CARNMT1: variants seen among roughly 807,000 people sequenced by gnomAD.
CARNMT1 encodes carnosine N-methyltransferase 1.
CARNMT1 carries 28 observed loss-of-function variants against 49.6 expected under a neutral mutation model. That is an observed-to-expected ratio of 0.56 (90% CI 0.42 to 0.77). CARNMT1 has a LOEUF of 0.77. Ranked by LOEUF, CARNMT1 falls within the 30% of genes least tolerant of loss-of-function variation. The probability of loss-of-function intolerance (pLI) is 0.00; values close to 1 mark genes in which losing one functional copy is unlikely to be tolerated. For missense variants in CARNMT1, 421 were observed against 512.6 expected, an observed-to-expected ratio of 0.82 and a Z score of 1.73; for synonymous variants, 178 against 175.0, an observed-to-expected ratio of 1.02 and a Z score of -0.13.
intron 5 of CARNMT1, among the ~76,000 whole-genome samples, chr9:74,998,277 CCTCA>C (rs1833253286): frequency 6.6e-6 from 1 of 152,166 alleles, no homozygotes; most frequent in South Asian, 2.1e-4. Context: ...CAAGTCATAG[CCTCA>C]CTATGAACAG....
At chr9:75,019,359 T>C (rs1833936630) in intron 1 of CARNMT1, among the ~76,000 whole-genome samples, 1 of 152,224 alleles carries the variant, frequency 6.6e-6, no homozygotes, top group Admixed American at 6.5e-5. Context: ...CATTTTGAAA[T>C]GGCTGCCACA....
chr9:74,991,960 T>G (rs147603600), intron 6 of CARNMT1, among the ~76,000 whole-genome samples: 1 of 152,242 alleles, frequency 6.6e-6, no homozygotes, highest in East Asian at 1.9e-4. Flanking sequence ...CATCTATCTT[T>G]TAAAGGGAAT....
At chr9:75,013,782 T>C (rs1833766738) in intron 3 of CARNMT1, among the ~76,000 whole-genome samples, 1 of 151,754 alleles carries the variant, frequency 6.6e-6, no homozygotes, top group Non-Finnish European at 1.5e-5. Context: ...GGCAGGAGGA[T>C]CACTTGAGGC....
At chr9:75,020,611 A>G (rs1410681977) in intron 1 of CARNMT1, among the ~76,000 whole-genome samples, 1 of 152,024 alleles carries the variant, frequency 6.6e-6, no homozygotes, top group Non-Finnish European at 1.5e-5. Context: ...TATCTTTGTC[A>G]TTTGGTTTCT....
rs556508741 is a variant in CARNMT1 at position 75,016,862 on chromosome 9, A to G, written c.426+391T>C. 34 of 274,244 alleles carry G rather than the reference A, an allele frequency of 1.2e-4. 1 individual carries two copies. In the South Asian group the frequency reaches 3.8e-3, roughly 31 times the overall value. 17.0% of individuals were successfully genotyped at this position (274,244 alleles called of 1,614,324 possible). A position where few individuals can be genotyped will look rare whatever the true frequency, so the allele number is the denominator to read the frequency against. On this transcript the variant is annotated intron_variant, in intron 2 of 7. Transcript: ENST00000376834. ...ATGTACTGCCAGTCCCTTGAGATTT[A>G]TAAGTGAAAACAATTTCTTACAATA... is the stretch of plus-strand genomic sequence containing the variant.
chr9:74,996,318 T>C (rs1833187512), intron 6 of CARNMT1, 129 bp downstream of exon 6: 2 of 585,962 alleles, frequency 3.4e-6, no homozygotes, highest in South Asian at 2.2e-5. Context: ...AAGGAAACTG[T>C]AGTGGTTTTA....
intron 2 of CARNMT1, 47 bp downstream of exon 2, chr9:75,017,206 A>G: frequency 7.0e-7 from 1 of 1,421,780 alleles, no homozygotes. Flanking sequence ...CTCAAAATAC[A>G]GAGGTTGACC....
Position 75,003,423 on chromosome 9 carries a change from C to T in CARNMT1, c.591-3553G>A, listed in dbSNP as rs777041566. On this transcript the variant is annotated intron_variant, in intron 3 of 7. Coordinates refer to ENST00000376834, the MANE Select transcript of CARNMT1 (RefSeq NM_152420.3). ...CATTGTAAATGAAGTTTTACTAAAA[C>T]GCAGCCATACTCACTCATCTAAGAA... Among the ~76,000 whole-genome samples, 4 of 152,246 alleles carry T rather than the reference C, an allele frequency of 2.6e-5. 1 individual carries two copies. The highest frequency in any genetic ancestry group is 4.1e-4 in the South Asian group (2 of 4,836).
intron 6 of CARNMT1, among the ~76,000 whole-genome samples, chr9:74,992,340 G>A (rs925245482): frequency 6.6e-6 from 1 of 151,638 alleles, no homozygotes; most frequent in Non-Finnish European, 1.5e-5. Context: ...CTATCTTTCA[G>A]TACACTTTAC....
intron 6 of CARNMT1, among the ~76,000 whole-genome samples, chr9:74,992,025 A>C (rs1833037323): frequency 6.6e-6 from 1 of 152,170 alleles, no homozygotes; most frequent in Non-Finnish European, 1.5e-5. Flanking sequence ...TAATCCCAGC[A>C]CTTTGGGAGG....
At chr9:75,021,260 G>A (rs1361473723) in intron 1 of CARNMT1, among the ~76,000 whole-genome samples, 1 of 141,508 alleles carries the variant, frequency 7.1e-6, no homozygotes, top group Non-Finnish European at 1.5e-5. Context: ...TATATACATA[G>A]TATATATGTA....
chr9:75,012,507 G>C (rs191496824), intron 3 of CARNMT1, among the ~76,000 whole-genome samples: 1 of 151,928 alleles, frequency 6.6e-6, no homozygotes, highest in African/African-American at 2.4e-5. Flanking sequence ...GGCTGATCTC[G>C]AACTCTTGAC....
At chr9:75,014,975 G>A (rs1833803610) in intron 3 of CARNMT1, among the ~76,000 whole-genome samples, 2 of 152,182 alleles carry the variant, frequency 1.3e-5, no homozygotes, top group Non-Finnish European at 2.9e-5. Flanking sequence ...CGGAGGCAAA[G>A]GAGAGGAGGA....
rs1269954487 is a variant in CARNMT1 at position 74,981,589 on chromosome 9, G to C, written c.*2178C>G. 6.6e-6 allele frequency: 1 copy of C among 151,556 alleles called. No individual in the cohort carries two copies. The highest frequency in any genetic ancestry group is 6.6e-5 in the Admixed American group (1 of 15,200). The allele number at this position is 151,556 out of a possible 1,614,324, so 9.4% of individuals were successfully genotyped here. On this transcript the variant is annotated 3_prime_UTR_variant, in exon 8 of 8. Transcript: ENST00000376834. ...TAAAAAACAATATTCATGATATGAG[G>C]GATAAATTAACAAATGAAGTAACTG...
At chr9:75,008,640 A>G (rs1383507222) in intron 3 of CARNMT1, among the ~76,000 whole-genome samples, 1 of 152,238 alleles carries the variant, frequency 6.6e-6, no homozygotes, top group East Asian at 1.9e-4. Flanking sequence ...TGAAAGACCT[A>G]TACACTGAAA....
intron 1 of CARNMT1, chr9:75,027,359 T>C (rs1455710017): frequency 5.4e-6 from 5 of 932,182 alleles, no homozygotes; most frequent in Non-Finnish European, 6.4e-6. Flanking sequence ...GCAGCTCTTA[T>C]TGTGACTTCT....
chr9:75,024,893 G>GT (rs1411521707), intron 1 of CARNMT1, among the ~76,000 whole-genome samples: 1 of 151,986 alleles, frequency 6.6e-6, no homozygotes, highest in Non-Finnish European at 1.5e-5. Context: ...ACCGAAAGCC[G>GT]TACCAATAAC....
intron 6 of CARNMT1, among the ~76,000 whole-genome samples, chr9:74,992,719 T>G (rs148833070): frequency 1.9e-3 from 294 of 152,308 alleles, no homozygotes; most frequent in African/African-American, 6.8e-3. Flanking sequence ...ATTAAAGCAT[T>G]TGTAAATTAA....
At chr9:74,985,363 A>G (rs1832801734) in intron 6 of CARNMT1, among the ~76,000 whole-genome samples, 1 of 152,260 alleles carries the variant, frequency 6.6e-6, no homozygotes, top group African/African-American at 2.4e-5. Context: ...GCAAAACTGC[A>G]GTTACCAACT....
Sources: allele counts gnomAD v4.1 joint callset (sites outside exome capture counted in the v4.1 genomes callset), GRCh38; gene constraint gnomAD v4.1.1; transcripts MANE v1.5; gene names NCBI Gene and HGNC (gene_info 2026-07-23, HGNC 2026-07-21).